Variants in NECAB1 observed in about 807,000 individuals in gnomAD.
NECAB1 encodes N-terminal EF-hand calcium-binding protein 1.
A neutral mutation model predicts 57.5 loss-of-function variants in NECAB1; 29 were observed. The ratio of observed to expected loss-of-function variants is 0.50; its 90% CI spans 0.38 to 0.69. NECAB1 has a LOEUF of 0.69. Ranked by LOEUF, NECAB1 falls within the 30% of genes least tolerant of loss-of-function variation. The probability of loss-of-function intolerance (pLI) is 0.00; values close to 1 mark genes in which losing one functional copy is unlikely to be tolerated. For synonymous variants in NECAB1, 142 were observed against 147.7 expected (o/e 0.96, Z 0.28); for missense variants, 372 against 413.8 (o/e 0.90, Z 0.88).
chr8:90,920,048 A>G (rs1810065095), intron 6 of NECAB1, among the ~76,000 whole-genome samples: 1 of 152,208 alleles, frequency 6.6e-6, no homozygotes, highest in Non-Finnish European at 1.5e-5. Flanking sequence ...GAGCATGACA[A>G]TATAGACTTT....
chr8:90,866,944 C>T (rs1290290668), intron 3 of NECAB1, among the ~76,000 whole-genome samples: 5 of 152,096 alleles, frequency 3.3e-5, no homozygotes, highest in Non-Finnish European at 7.3e-5. Flanking sequence ...TATAAAGATA[C>T]GTGCACATGT....
At chr8:90,819,823 T>G (rs923385236) in intron 2 of NECAB1, among the ~76,000 whole-genome samples, 13 of 151,982 alleles carry the variant, frequency 8.6e-5, no homozygotes, top group South Asian at 4.1e-4. Flanking sequence ...GACAGGGCTC[T>G]GGTAAAGTCT....
chr8:90,868,616 G>A (rs1368428592), intron 3 of NECAB1, among the ~76,000 whole-genome samples: 1 of 152,182 alleles, frequency 6.6e-6, no homozygotes, highest in African/African-American at 2.4e-5. Flanking sequence ...ATATCTGGCG[G>A]AAGAAATTTC....
chr8:90,897,660 T>C (rs1372910399), intron 5 of NECAB1, among the ~76,000 whole-genome samples: 2 of 152,240 alleles, frequency 1.3e-5, no homozygotes, highest in Non-Finnish European at 2.9e-5. Context: ...ATCAATTCTT[T>C]GAAAAGTTTA....
At chr8:90,851,004 T>C (rs1812671376) in intron 3 of NECAB1, among the ~76,000 whole-genome samples, 1 of 152,118 alleles carries the variant, frequency 6.6e-6, no homozygotes, top group Non-Finnish European at 1.5e-5. Context: ...CCAGGGAGGA[T>C]AGAGGGGCTA....
intron 9 of NECAB1, among the ~76,000 whole-genome samples, chr8:90,938,183 C>T (rs944421101): frequency 1.3e-5 from 2 of 152,190 alleles, no homozygotes; most frequent in Non-Finnish European, 2.9e-5. Context: ...AAATACTATC[C>T]TGTGAACTGA....
chr8:90,917,835 G>A (rs563800557), intron 6 of NECAB1, among the ~76,000 whole-genome samples: 3 of 58,340 alleles, frequency 5.1e-5, no homozygotes, highest in African/African-American at 3.3e-4. Flanking sequence ...CAGTCATTTA[G>A]TAAACTATAT....
intron 9 of NECAB1, among the ~76,000 whole-genome samples, chr8:90,937,845 C>T (rs1248441256): frequency 6.6e-6 from 1 of 152,114 alleles, no homozygotes; most frequent in African/African-American, 2.4e-5. Flanking sequence ...ATAAAATCGA[C>T]GGATAATGTC....
intron 3 of NECAB1, among the ~76,000 whole-genome samples, chr8:90,825,909 G>A (rs1812215752): frequency 6.6e-6 from 1 of 151,734 alleles, no homozygotes; most frequent in African/African-American, 2.4e-5. Context: ...GTACAACATG[G>A]AACCAGCTTA....
intron 5 of NECAB1, among the ~76,000 whole-genome samples, chr8:90,902,025 T>G (rs1419712487): frequency 1.3e-5 from 2 of 152,236 alleles, no homozygotes; most frequent in Non-Finnish European, 2.9e-5. Context: ...TACAAAGGAA[T>G]ATTCTATAAA....
chr8:90,850,199 AT>A (rs1195667970), intron 3 of NECAB1, among the ~76,000 whole-genome samples: 2 of 152,202 alleles, frequency 1.3e-5, no homozygotes, highest in Admixed American at 6.5e-5. Flanking sequence ...TAAGGTGGAG[AT>A]AGGAAAAGAC....
chr8:90,899,163 C>T (rs1586102227), intron 5 of NECAB1, among the ~76,000 whole-genome samples: 1 of 152,184 alleles, frequency 6.6e-6, no homozygotes, highest in South Asian at 2.1e-4. Flanking sequence ...CTGACTTACA[C>T]CATCCTTAGT....
chr8:90,841,100 C>CA (rs71560283), intron 3 of NECAB1, among the ~76,000 whole-genome samples: 48,282 of 148,624 alleles, frequency 0.32, 8,920 homozygotes, highest in East Asian at 0.73. Flanking sequence ...ACTAAAAATA[C>CA]AAAAAAAAAA....
intron 3 of NECAB1, among the ~76,000 whole-genome samples, chr8:90,871,652 A>C (rs1376317356): frequency 1.3e-5 from 2 of 152,132 alleles, no homozygotes; most frequent in Non-Finnish European, 2.9e-5. Context: ...AACATTCATC[A>C]AGTGCTTATT....
chr8:90,850,236 A>G (rs917383637), intron 3 of NECAB1, among the ~76,000 whole-genome samples: 3 of 152,340 alleles, frequency 2.0e-5, no homozygotes, highest in East Asian at 3.9e-4. Context: ...TTTAAGGCCC[A>G]TTTTCATAAA....
chr8:90,901,473 C>T lies in NECAB1; in HGVS notation c.358-16019C>T, dbSNP rs191866804. Among the ~76,000 whole-genome samples, 38 of 152,266 alleles carry T rather than the reference C, an allele frequency of 2.5e-4. No individual in the cohort carries two copies. In the East Asian group the frequency reaches 2.7e-3, roughly 11 times the overall value. On this transcript the variant is annotated intron_variant, in intron 5 of 12. Coordinates refer to ENST00000417640, the MANE Select transcript of NECAB1 (RefSeq NM_022351.5). ...TGTTTAACACAGACCTGGGAACAAT[C>T]GAAAAGCTTTTCGTGTTTTGTGCTT...
intron 5 of NECAB1, among the ~76,000 whole-genome samples, chr8:90,913,299 C>T (rs538135431): frequency 1.7e-4 from 25 of 151,400 alleles, no homozygotes; most frequent in African/African-American, 5.6e-4. Context: ...TGGCTTTCCG[C>T]AGACAAAAAT....
intron 5 of NECAB1, among the ~76,000 whole-genome samples, chr8:90,902,817 T>C (rs985567959): frequency 1.3e-5 from 2 of 152,098 alleles, no homozygotes; most frequent in Admixed American, 6.5e-5. Context: ...TGAGAAAATA[T>C]GTCTCACATT....
intron 1 of NECAB1, among the ~76,000 whole-genome samples, chr8:90,794,048 C>T (rs145417009): frequency 2.8e-4 from 42 of 152,154 alleles, no homozygotes; most frequent in African/African-American, 8.9e-4. Context: ...AAATAGGAAA[C>T]TGATTCCCTA....
Sources: gnomAD v4.1 joint callset for allele counts (sites outside exome capture counted in the v4.1 genomes callset) on GRCh38, gnomAD v4.1.1 for gene constraint, MANE v1.5 for transcripts, NCBI Gene and HGNC (gene_info 2026-07-23, HGNC 2026-07-21) for gene names.